Variants in ATP6V1E1 observed in about 807,000 individuals in gnomAD.
The protein encoded by ATP6V1E1 is ATPase H+ transporting V1 subunit E1, also known as V-type proton ATPase subunit E 1.
Under a neutral mutation model 35.2 loss-of-function variants are expected in ATP6V1E1, and 21 were observed. The ratio of observed to expected loss-of-function variants is 0.60; its 90% CI spans 0.42 to 0.86. The LOEUF is 0.86. ATP6V1E1 is among the 40% of genes least tolerant of loss of function. The probability of loss-of-function intolerance (pLI) is 0.00; values close to 1 mark genes in which losing one functional copy is unlikely to be tolerated. For synonymous variants in ATP6V1E1, 83 were observed against 87.8 expected, an observed-to-expected ratio of 0.95 and a Z score of 0.30; for missense variants, 183 against 272.6, an observed-to-expected ratio of 0.67 and a Z score of 2.32.
At chr22:17,604,812 C>T (rs960758534) in intron 4 of ATP6V1E1, among the ~76,000 whole-genome samples, 23 of 152,174 alleles carry the variant, frequency 1.5e-4, no homozygotes, top group African/African-American at 5.3e-4. Flanking sequence ...CCACCAAACC[C>T]GGCCAAAGAC....
At chr22:17,622,178 T>C (rs1177016947) in intron 1 of ATP6V1E1, among the ~76,000 whole-genome samples, 1 of 152,170 alleles carries the variant, frequency 6.6e-6, no homozygotes, top group Non-Finnish European at 1.5e-5. Flanking sequence ...TGACGTAGGA[T>C]CTTTAGGTCA....
At chr22:17,602,720 T>A (rs1010043309) in intron 4 of ATP6V1E1, among the ~76,000 whole-genome samples, 2 of 152,180 alleles carry the variant, frequency 1.3e-5, no homozygotes, top group Non-Finnish European at 2.9e-5. Context: ...AAATACCAAG[T>A]GATAAATATA....
At chr22:17,607,062 T>C (rs9618060) in intron 4 of ATP6V1E1, among the ~76,000 whole-genome samples, 52,884 of 152,060 alleles carry the variant, frequency 0.35, 9,540 homozygotes, top group African/African-American at 0.41. Flanking sequence ...AAGCTCCTCT[T>C]CTCTCCTAAC....
At chr22:17,603,369 A>C (rs1374908075) in intron 4 of ATP6V1E1, among the ~76,000 whole-genome samples, 2 of 151,580 alleles carry the variant, frequency 1.3e-5, no homozygotes, top group East Asian at 3.9e-4. Context: ...AAAATTAAAA[A>C]AAAAAATCAG....
chr22:17,623,929 C>T (rs1348413817), intron 1 of ATP6V1E1, among the ~76,000 whole-genome samples: 1 of 152,140 alleles, frequency 6.6e-6, no homozygotes, highest in African/African-American at 2.4e-5. Flanking sequence ...CCTTTAAGGA[C>T]ATTTAACTCC....
upstream of ATP6V1E1, chr22:17,628,795 CA>C (rs2057942731): frequency 2.2e-6 from 2 of 917,686 alleles, no homozygotes; most frequent in Non-Finnish European, 1.7e-6. Flanking sequence ...AGTTCATCCT[CA>C]TGACCCTTCT....
chr22:17,599,500 CG>C (rs1403403160), intron 6 of ATP6V1E1, among the ~76,000 whole-genome samples: 2 of 136,798 alleles, frequency 1.5e-5, no homozygotes, highest in Non-Finnish European at 3.1e-5. Flanking sequence ...TGCTTGAACC[CG>C]GGGGGGCAGA....
chr22:17,614,457 G>C (rs1412202833), intron 2 of ATP6V1E1, among the ~76,000 whole-genome samples: 1 of 151,726 alleles, frequency 6.6e-6, no homozygotes, highest in Non-Finnish European at 1.5e-5. Context: ...GGGAGTTCGA[G>C]ACCAGCCTGA....
At chr22:17,618,203 C>T (rs1486245410) in intron 2 of ATP6V1E1, among the ~76,000 whole-genome samples, 7 of 152,152 alleles carry the variant, frequency 4.6e-5, no homozygotes, top group East Asian at 3.9e-4. Flanking sequence ...CAGTTCGCCA[C>T]GGTTGTTAAA....
rs1303858313 is a variant in ATP6V1E1, at chr22:17,624,232, TA to T, written c.33+4370del. Among the ~76,000 whole-genome samples, 178 of 152,260 alleles carry T rather than the reference TA, an allele frequency of 1.2e-3. 3 individuals are homozygous for T. The East Asian group carries it at 0.027, about 23-fold the overall frequency. ...ATGTAGCATGAAGGATTATAGGAAA[TA>T]GACAAGATTCCTTCTTTCAATTTTA... On this transcript the variant is annotated intron_variant, in intron 1 of 8. Transcript: ENST00000253413.
intron 4 of ATP6V1E1, among the ~76,000 whole-genome samples, chr22:17,605,264 C>G (rs1049040010): frequency 2.0e-5 from 3 of 149,344 alleles, no homozygotes; most frequent in Admixed American, 6.7e-5. Context: ...GGCATGGTGG[C>G]TCACGCCTGT....
chr22:17,602,558 G>T (rs2057766986), intron 4 of ATP6V1E1, among the ~76,000 whole-genome samples: 1 of 151,932 alleles, frequency 6.6e-6, no homozygotes, highest in Non-Finnish European at 1.5e-5. Context: ...TGTATTTTTA[G>T]TAGAGATGGG....
At chr22:17,619,652 A>G in intron 1 of ATP6V1E1, 126 bp from the exon 2 acceptor site, 1 of 771,320 alleles carries the variant, frequency 1.3e-6, no homozygotes, top group East Asian at 2.7e-5. Flanking sequence ...CTGGGGGGCC[A>G]AGGAGGGAGG....
At chr22:17,607,602 C>T (rs1230672270) in intron 4 of ATP6V1E1, among the ~76,000 whole-genome samples, 3 of 152,182 alleles carry the variant, frequency 2.0e-5, no homozygotes, top group African/African-American at 7.2e-5. Context: ...TCTGCTGCCA[C>T]CATTCTACTT....
At chr22:17,605,205 C>CAAAA (rs898076791) in intron 4 of ATP6V1E1, among the ~76,000 whole-genome samples, 3 of 54,844 alleles carry the variant, frequency 5.5e-5, no homozygotes, top group Admixed American at 2.2e-4. Context: ...GACTTCATCT[C>CAAAA]AAAAAAAAAA....
intron 2 of ATP6V1E1, among the ~76,000 whole-genome samples, chr22:17,614,154 C>G (rs1378342987): frequency 6.6e-6 from 1 of 151,888 alleles, no homozygotes; most frequent in Non-Finnish European, 1.5e-5. Context: ...AGTTTGAGAT[C>G]GGCCTGATCA....
intron 5 of ATP6V1E1, 83 bp downstream of exon 5, chr22:17,601,009 A>G: frequency 3.5e-6 from 4 of 1,156,942 alleles, no homozygotes; most frequent in Non-Finnish European, 4.8e-6. Flanking sequence ...GAAAGCAGGA[A>G]AAAATAGAGC....
intron 6 of ATP6V1E1, 99 bp downstream of exon 6, chr22:17,599,928 A>C: frequency 9.6e-7 from 1 of 1,038,462 alleles, no homozygotes; most frequent in Non-Finnish European, 1.4e-6. Flanking sequence ...TCCACCAAAA[A>C]AAAAAGAAAA....
chr22:17,620,360 G>C (rs1392853273), intron 1 of ATP6V1E1, among the ~76,000 whole-genome samples: 2 of 151,754 alleles, frequency 1.3e-5, no homozygotes, highest in African/African-American at 2.4e-5. Context: ...TCTTAGCCAG[G>C]ATGGTCTCGA....
Sources: gnomAD v4.1 joint callset for allele counts (sites outside exome capture counted in the v4.1 genomes callset) on GRCh38, gnomAD v4.1.1 for gene constraint, MANE v1.5 for transcripts, NCBI Gene and HGNC (gene_info 2026-07-23, HGNC 2026-07-21) for gene names.